NLGN1: variants seen among roughly 807,000 people sequenced by gnomAD.
NLGN1 encodes neuroligin-1.
Under a neutral mutation model 65.5 loss-of-function variants are expected in NLGN1, and 12 were observed. That is an observed-to-expected ratio of 0.18 (90% CI 0.12 to 0.30). NLGN1 has a LOEUF of 0.30. NLGN1 is among the 10% of genes least tolerant of loss of function. The probability of loss-of-function intolerance (pLI) is 1.00; values close to 1 mark genes in which losing one functional copy is unlikely to be tolerated. For missense variants in NLGN1, 750 were observed against 1,007.1 expected (o/e 0.74, Z 3.46); for synonymous variants, 350 against 359.5 (o/e 0.97, Z 0.30).
intron 4 of NLGN1, among the ~76,000 whole-genome samples, chr3:174,120,887 C>T (rs902124618): frequency 2.6e-5 from 4 of 152,164 alleles, no homozygotes; most frequent in Non-Finnish European, 5.9e-5. Context: ...CTTCACTGCT[C>T]ACGACTCTAC....
intron 4 of NLGN1, among the ~76,000 whole-genome samples, chr3:173,952,942 C>T (rs996439026): frequency 6.6e-6 from 1 of 151,926 alleles, no homozygotes; most frequent in African/African-American, 2.4e-5. Context: ...CCACACCAGG[C>T]TAATTTTTGT....
chr3:174,021,591 G>T (rs1026014037), intron 4 of NLGN1, among the ~76,000 whole-genome samples: 1 of 151,946 alleles, frequency 6.6e-6, no homozygotes, highest in Non-Finnish European at 1.5e-5. Context: ...TAATAGAAAC[G>T]AAGAAAAGAA....
At chr3:173,734,890 A>G (rs1773491073) in intron 3 of NLGN1, among the ~76,000 whole-genome samples, 1 of 152,122 alleles carries the variant, frequency 6.6e-6, no homozygotes, top group African/African-American at 2.4e-5. Flanking sequence ...TAGCAACGGC[A>G]GAATAAAGAG....
intron 3 of NLGN1, among the ~76,000 whole-genome samples, chr3:173,752,805 C>G (rs1776495214): frequency 6.6e-6 from 1 of 152,098 alleles, no homozygotes. Flanking sequence ...ACTTCCCAGT[C>G]TACTTCTCCC....
intron 4 of NLGN1, among the ~76,000 whole-genome samples, chr3:174,058,747 A>G (rs1187143103): frequency 6.6e-6 from 1 of 152,010 alleles, no homozygotes; most frequent in East Asian, 1.9e-4. Context: ...TACCTTGTAT[A>G]GTTATAGTGA....
At chr3:173,648,614 G>T (rs1317626621) in intron 3 of NLGN1, among the ~76,000 whole-genome samples, 1 of 149,972 alleles carries the variant, frequency 6.7e-6, no homozygotes, top group Admixed American at 6.7e-5. Context: ...TCACTTTATT[G>T]CCCAGGCTGG....
At chr3:174,121,447 A>T (rs577749198) in intron 4 of NLGN1, among the ~76,000 whole-genome samples, 31 of 152,288 alleles carry the variant, frequency 2.0e-4, no homozygotes, top group African/African-American at 6.7e-4. Flanking sequence ...CAACATTGTC[A>T]CACTGGGTCC....
At chr3:173,811,366 C>A (rs925373330) in intron 4 of NLGN1, among the ~76,000 whole-genome samples, 1 of 151,894 alleles carries the variant, frequency 6.6e-6, no homozygotes, top group Non-Finnish European at 1.5e-5. Flanking sequence ...GAGTTCAAGA[C>A]CAGCCTGGCC....
chr3:173,968,678 G>GA (rs1715425796), intron 4 of NLGN1, among the ~76,000 whole-genome samples: 1 of 132,222 alleles, frequency 7.6e-6, no homozygotes, highest in South Asian at 2.5e-4. Context: ...CACAATTACT[G>GA]AAAATAATCT....
chr3:173,819,644 C>T (rs371780567), intron 4 of NLGN1, among the ~76,000 whole-genome samples: 6 of 152,234 alleles, frequency 3.9e-5, no homozygotes, highest in East Asian at 1.9e-4. Context: ...TCTCTGCTTC[C>T]GTGGCATAAG....
chr3:174,164,971 T>G (rs1449287262), intron 4 of NLGN1, among the ~76,000 whole-genome samples: 1 of 152,092 alleles, frequency 6.6e-6, no homozygotes. Context: ...TAGAATGTTT[T>G]TGCTTTTGTT....
chr3:174,154,151 TTAAGAA>T (rs1292560635), intron 4 of NLGN1, among the ~76,000 whole-genome samples: 3 of 152,088 alleles, frequency 2.0e-5, no homozygotes, highest in African/African-American at 7.2e-5. Flanking sequence ...TCATCATTCT[TTAAGAA>T]TAGCATTTTT....
chr3:173,675,830 T>G (rs1402796651), intron 3 of NLGN1, among the ~76,000 whole-genome samples: 1 of 142,848 alleles, frequency 7.0e-6, no homozygotes, highest in Non-Finnish European at 1.5e-5. Context: ...ACTGCTCTCT[T>G]TCTCTGTCTC....
intron 4 of NLGN1, among the ~76,000 whole-genome samples, chr3:174,176,590 T>C (rs894024886): frequency 6.6e-6 from 1 of 152,036 alleles, no homozygotes; most frequent in African/African-American, 2.4e-5. Context: ...TTGTTTTGTT[T>C]TGTTTTGTTT....
At chr3:173,860,447 A>G (rs1553873851) in intron 4 of NLGN1, among the ~76,000 whole-genome samples, 1 of 151,786 alleles carries the variant, frequency 6.6e-6, no homozygotes, top group Non-Finnish European at 1.5e-5. Flanking sequence ...TCTTTTCTCA[A>G]ATTTTCTTTG....
At chr3:173,577,969 G>T (rs1056496288) in intron 2 of NLGN1, among the ~76,000 whole-genome samples, 1 of 152,234 alleles carries the variant, frequency 6.6e-6, no homozygotes. Flanking sequence ...GGATGCGGTC[G>T]CTCACGCCTG....
intron 2 of NLGN1, among the ~76,000 whole-genome samples, chr3:173,515,122 A>C (rs1004962966): frequency 6.6e-6 from 1 of 152,146 alleles, no homozygotes; most frequent in Admixed American, 6.5e-5. Context: ...CCCTCCCAAC[A>C]GTGCGCAAGG....
intron 2 of NLGN1, among the ~76,000 whole-genome samples, chr3:173,532,614 T>G (rs1485807282): frequency 6.6e-6 from 1 of 152,198 alleles, no homozygotes; most frequent in African/African-American, 2.4e-5. Flanking sequence ...CAAAGTCCGA[T>G]AGAGTAGTCA....
chr3:174,181,980 A>AAAC (rs1311341050), intron 4 of NLGN1, among the ~76,000 whole-genome samples: 1 of 145,016 alleles, frequency 6.9e-6, no homozygotes, highest in Non-Finnish European at 1.5e-5. Context: ...TGGTGTCAAA[A>AAAC]AAAAAAAAAA....
Sources: allele counts gnomAD v4.1 joint callset (sites outside exome capture counted in the v4.1 genomes callset), GRCh38; gene constraint gnomAD v4.1.1; transcripts MANE v1.5; gene names NCBI Gene and HGNC (gene_info 2026-07-23, HGNC 2026-07-21).